IQGAP2: variants seen among roughly 807,000 people sequenced by gnomAD.
IQGAP2 encodes the protein ras GTPase-activating-like protein IQGAP2.
IQGAP2 carries 173 observed loss-of-function variants against 201.3 expected under a neutral mutation model. The observed-to-expected ratio is 0.86, with a 90% confidence interval of 0.76 to 0.98. IQGAP2 has a LOEUF of 0.98. Among genes scored for constraint, IQGAP2 ranks in the 50% least tolerant of loss-of-function variants. IQGAP2 has a pLI of 0.00. For missense variants in IQGAP2, 1,687 were observed against 1,864.8 expected (o/e 0.90, Z 1.76); for synonymous variants, 675 against 673.9 (o/e 1.00, Z -0.03).
At chr5:76,693,307 C>A in intron 30 of IQGAP2, 48 bp from the exon 31 acceptor site, 1 of 1,289,240 alleles carries the variant, frequency 7.8e-7, no homozygotes, top group Non-Finnish European at 1.1e-6. Context: ...GATTTTTGTG[C>A]ATAAGGACTA....
intron 13 of IQGAP2, chr5:76,617,425 A>AAAAC (rs1413932615): frequency 9.5e-6 from 6 of 628,910 alleles, no homozygotes; most frequent in Non-Finnish European, 1.3e-5. Flanking sequence ...CTCAGTCTCA[A>AAAAC]AAACAAACAA....
rs200098123 is a variant in IQGAP2, at chr5:76,617,540, C to T, written c.1521+6357C>T. ...TGCTTATGTTGTTCTTGAAAACAGACGTTCTCTGTGATGGCTGTCCTTGTT... is the reference window on the plus strand; with the variant it reads ...TGCTTATGTTGTTCTTGAAAACAGATGTTCTCTGTGATGGCTGTCCTTGTT... On this transcript the variant is annotated intron_variant, in intron 13 of 35. Coordinates refer to ENST00000274364, the MANE Select transcript of IQGAP2 (RefSeq NM_006633.5). 9.7e-5 allele frequency: 143 copies of T among 1,479,814 alleles called. No homozygotes were observed. The African/African-American group carries it at 1.4e-3, about 15-fold the overall frequency. The allele number at this position is 1,479,814 out of a possible 1,614,324, so 91.7% of individuals were successfully genotyped here.
intron 9 of IQGAP2, among the ~76,000 whole-genome samples, chr5:76,594,483 A>G (rs551770855): frequency 6.6e-6 from 1 of 152,126 alleles, no homozygotes; most frequent in African/African-American, 2.4e-5. Flanking sequence ...GATGTTTTGC[A>G]CTAATGGTAA....
At chr5:76,444,260 T>C (rs181630902) in intron 1 of IQGAP2, among the ~76,000 whole-genome samples, 60 of 152,146 alleles carry the variant, frequency 3.9e-4, no homozygotes, top group Middle Eastern at 6.8e-3. Flanking sequence ...AAAGAGAAAA[T>C]AGATGCTTAC....
Position 76,665,167 on chromosome 5 carries a change from C to A in IQGAP2, c.2671C>A (p.Leu891Ile). 1 of 1,612,128 alleles carries A rather than the reference C, an allele frequency of 6.2e-7. No individual in the cohort carries two copies. Among genetic ancestry groups the A allele is most frequent in the Non-Finnish European group, 8.5e-7 (1 of 1,179,204 alleles). ...AGAAACATATCAGCAGCTGTTTTAC[C>A]TTTTACAGGTGAGAACAATTTATCG... The part of the protein sequence containing the change: ...TLETYQQLFY[L>I]LQTNPLYLAK... The change falls in exon 22 of 36, where the codon CTT becomes ATT. Residue 891 changes from leucine to isoleucine, a missense_variant. Leu to Ile is a conservative substitution (Grantham distance 5, BLOSUM62 2). Transcript: ENST00000274364.
intron 3 of IQGAP2, among the ~76,000 whole-genome samples, chr5:76,565,543 A>G (rs1220704506): frequency 6.6e-6 from 1 of 152,212 alleles, no homozygotes; most frequent in African/African-American, 2.4e-5. Flanking sequence ...TCTGAGTTAC[A>G]TGCCCACGCC....
At chr5:76,698,220 C>A in intron 33 of IQGAP2, 73 bp downstream of exon 33, 1 of 1,223,572 alleles carries the variant, frequency 8.2e-7, no homozygotes, top group Non-Finnish European at 1.1e-6. Flanking sequence ...TGTTTCTAGG[C>A]AGTTGGGTTG....
chr5:76,648,309 A>G (rs1387812023), intron 17 of IQGAP2, among the ~76,000 whole-genome samples: 1 of 152,174 alleles, frequency 6.6e-6, no homozygotes, highest in African/African-American at 2.4e-5. Flanking sequence ...CAGAAACCAA[A>G]TGGAGAACCT....
chr5:76,509,777 A>G (rs1194498749), intron 2 of IQGAP2, among the ~76,000 whole-genome samples: 1 of 152,078 alleles, frequency 6.6e-6, no homozygotes, highest in Non-Finnish European at 1.5e-5. Context: ...GAACATGAGA[A>G]AAGTATCCGT....
At chr5:76,527,426 GC>G (rs955680091) in intron 2 of IQGAP2, among the ~76,000 whole-genome samples, 6 of 152,152 alleles carry the variant, frequency 3.9e-5, no homozygotes, top group Non-Finnish European at 8.8e-5. Context: ...ATCACTCAGT[GC>G]CCCCCATAGA....
intron 2 of IQGAP2, among the ~76,000 whole-genome samples, chr5:76,464,267 A>G (rs754509845): frequency 2.6e-5 from 4 of 152,200 alleles, no homozygotes; most frequent in Non-Finnish European, 4.4e-5. Flanking sequence ...CAGAAAACTC[A>G]TGGTCTTGAA....
intron 11 of IQGAP2, among the ~76,000 whole-genome samples, chr5:76,603,375 C>G (rs1747567169): frequency 6.6e-6 from 1 of 152,138 alleles, no homozygotes; most frequent in Non-Finnish European, 1.5e-5. Context: ...GCCTTGGAAC[C>G]AAAAATATCT....
intron 30 of IQGAP2, among the ~76,000 whole-genome samples, chr5:76,692,478 C>T (rs1050282739): frequency 6.6e-6 from 1 of 152,006 alleles, no homozygotes; most frequent in Non-Finnish European, 1.5e-5. Context: ...GAAGGAAAGC[C>T]TTTTCCAATA....
intron 2 of IQGAP2, among the ~76,000 whole-genome samples, chr5:76,468,767 A>G (rs1434507745): frequency 6.6e-6 from 1 of 152,172 alleles, no homozygotes; most frequent in Non-Finnish European, 1.5e-5. Flanking sequence ...GATCTGTTTT[A>G]TTCCCTGTTC....
intron 17 of IQGAP2, among the ~76,000 whole-genome samples, chr5:76,643,030 T>A (rs1407224071): frequency 1.3e-5 from 2 of 152,024 alleles, no homozygotes; most frequent in Non-Finnish European, 2.9e-5. Flanking sequence ...GAAAAAAAAA[T>A]CTGTTCATAA....
At chr5:76,590,929 T>C (rs1314202411) in intron 8 of IQGAP2, among the ~76,000 whole-genome samples, 1 of 108,924 alleles carries the variant, frequency 9.2e-6, no homozygotes, top group Non-Finnish European at 2.0e-5. Flanking sequence ...TCTAAGAAAA[T>C]AAAAATAAAA....
intron 17 of IQGAP2, among the ~76,000 whole-genome samples, chr5:76,649,807 C>T (rs1236734231): frequency 6.6e-6 from 1 of 152,242 alleles, no homozygotes; most frequent in Non-Finnish European, 1.5e-5. Flanking sequence ...TTCTTCATGA[C>T]AGTTCTGCTC....
rs1393601315 is a variant in IQGAP2, at chr5:76,403,991, A to C, written c.46+400A>C. Among the ~76,000 whole-genome samples, 1 of 151,962 alleles carries C rather than the reference A, an allele frequency of 6.6e-6. No homozygotes were observed. Among genetic ancestry groups the C allele is most frequent in the Non-Finnish European group, 1.5e-5 (1 of 67,980 alleles). The stretch of plus-strand genomic sequence containing the variant: ...GATTCTTCCAACCCAGAAGGGGAGG[A>C]AAGTTTGTTTGCTGTGGCTACAGGT... On this transcript the variant is annotated intron_variant, in intron 1 of 35. Transcript: ENST00000274364. The surrounding 1 kb of genome is among the most constrained non-coding windows in gnomAD (Gnocchi z 4.8).
intron 30 of IQGAP2, among the ~76,000 whole-genome samples, chr5:76,685,712 G>A (rs1387837135): frequency 6.7e-6 from 1 of 149,006 alleles, no homozygotes; most frequent in Non-Finnish European, 1.5e-5. Flanking sequence ...CCAGTGTGTT[G>A]GAAACAAACA....
Sources: gnomAD v4.1 joint callset for allele counts (sites outside exome capture counted in the v4.1 genomes callset) on GRCh38, gnomAD v4.1.1 for gene constraint, Gnocchi (gnomAD v3.1) non-coding constraint, MANE v1.5 for transcripts, NCBI Gene and HGNC (gene_info 2026-07-23, HGNC 2026-07-21) for gene names.